PLCB1: variants seen among roughly 807,000 people sequenced by gnomAD.
The protein encoded by PLCB1 is phospholipase C beta 1.
Under a neutral mutation model 161.8 loss-of-function variants are expected in PLCB1, and 46 were observed. The observed-to-expected ratio is 0.28, with a 90% CI of 0.22 to 0.36. The LOEUF is 0.36. Among genes scored for constraint, PLCB1 ranks in the 10% least tolerant of loss-of-function variants. The pLI is 1.00. For missense variants in PLCB1, 1,016 were observed against 1,472.5 expected, an observed-to-expected ratio of 0.69 and a Z score of 5.07; for synonymous variants, 517 against 503.7, an observed-to-expected ratio of 1.03 and a Z score of -0.35.
At chr20:8,784,345 G>T (rs1296798959) in intron 27 of PLCB1, among the ~76,000 whole-genome samples, 3 of 151,922 alleles carry the variant, frequency 2.0e-5, no homozygotes, top group Non-Finnish European at 4.4e-5. Context: ...GGCAGATCAC[G>T]TGAGGTCAGG....
At chr20:8,230,958 T>C (rs565538498) in intron 2 of PLCB1, among the ~76,000 whole-genome samples, 185 of 152,234 alleles carry the variant, frequency 1.2e-3, no homozygotes, top group African/African-American at 4.4e-3. Flanking sequence ...GTAATTTAGT[T>C]CCTATGCACC....
intron 2 of PLCB1, among the ~76,000 whole-genome samples, chr20:8,151,153 T>C (rs1291325040): frequency 3.3e-5 from 5 of 152,140 alleles, no homozygotes; most frequent in African/African-American, 4.8e-5. Flanking sequence ...TAAGTTTTGA[T>C]ATATGGAGAA....
chr20:8,270,670 A>G (rs1053591715), intron 2 of PLCB1, among the ~76,000 whole-genome samples: 1 of 152,300 alleles, frequency 6.6e-6, no homozygotes, highest in East Asian at 1.9e-4. Flanking sequence ...AGTGATGAGA[A>G]TTCTTAAGAT....
chr20:8,684,242 TTA>T (rs1001709872), intron 9 of PLCB1, among the ~76,000 whole-genome samples: 22 of 148,276 alleles, frequency 1.5e-4, no homozygotes, highest in Non-Finnish European at 2.2e-4. Flanking sequence ...ATTTATTTAT[TTA>T]TTTATTTATT....
chr20:8,374,592 A>C (rs1285465485), intron 3 of PLCB1, among the ~76,000 whole-genome samples: 1 of 152,216 alleles, frequency 6.6e-6, no homozygotes, highest in Non-Finnish European at 1.5e-5. Context: ...TCAGGATTAC[A>C]GTATAACTAC....
chr20:8,584,176 G>A (rs766034969), intron 3 of PLCB1, among the ~76,000 whole-genome samples: 3 of 151,926 alleles, frequency 2.0e-5, no homozygotes, highest in South Asian at 2.1e-4. Flanking sequence ...AAATGAGGAC[G>A]GTCATAGAAG....
At chr20:8,800,314 T>C (rs1009370103) in intron 31 of PLCB1, among the ~76,000 whole-genome samples, 2 of 152,248 alleles carry the variant, frequency 1.3e-5, no homozygotes, top group Admixed American at 6.5e-5. Flanking sequence ...TTATACATTT[T>C]CTGTCAACAG....
chr20:8,176,282 G>A (rs1210866229), intron 2 of PLCB1, among the ~76,000 whole-genome samples: 9 of 152,146 alleles, frequency 5.9e-5, no homozygotes, highest in Admixed American at 2.0e-4. Context: ...AAGATGGCAT[G>A]TCCATACTGT....
intron 31 of PLCB1, among the ~76,000 whole-genome samples, chr20:8,861,787 T>C (rs1330895921): frequency 6.7e-6 from 1 of 149,214 alleles, no homozygotes. Flanking sequence ...CCCATCTTTA[T>C]AAAAATCTAG....
intron 3 of PLCB1, among the ~76,000 whole-genome samples, chr20:8,578,816 C>G (rs983406919): frequency 1.3e-5 from 2 of 152,176 alleles, no homozygotes; most frequent in Non-Finnish European, 2.9e-5. Context: ...AATTCAAACT[C>G]TACGTTAAGT....
intron 3 of PLCB1, among the ~76,000 whole-genome samples, chr20:8,544,353 G>A (rs972505990): frequency 1.3e-5 from 2 of 152,158 alleles, no homozygotes; most frequent in African/African-American, 4.8e-5. Context: ...TAACAGTGGA[G>A]AATTCAAAGT....
At chr20:8,861,602 C>T (rs572421695) in intron 31 of PLCB1, among the ~76,000 whole-genome samples, 51 of 152,044 alleles carry the variant, frequency 3.4e-4, no homozygotes, top group African/African-American at 1.0e-3. Flanking sequence ...TGGTGGCGCG[C>T]GCCTGTAGTC....
intron 6 of PLCB1, among the ~76,000 whole-genome samples, 173 bp downstream of exon 6, chr20:8,648,126 G>A (rs1025417772): frequency 1.3e-5 from 2 of 152,114 alleles, no homozygotes; most frequent in East Asian, 1.9e-4. Context: ...CCTCATAGAC[G>A]TCTCCCCGGG....
chr20:8,439,568 T>G (rs1980462784), intron 3 of PLCB1, among the ~76,000 whole-genome samples: 2 of 152,232 alleles, frequency 1.3e-5, no homozygotes. Context: ...AACAAGCATT[T>G]ATCGCTCTTT....
At chr20:8,534,929 T>C (rs1984982182) in intron 3 of PLCB1, among the ~76,000 whole-genome samples, 1 of 151,952 alleles carries the variant, frequency 6.6e-6, no homozygotes, top group Non-Finnish European at 1.5e-5. Context: ...ATGCATCATG[T>C]TGAAACAATT....
At chr20:8,605,600 T>A (rs1482137908) in intron 3 of PLCB1, among the ~76,000 whole-genome samples, 1 of 150,686 alleles carries the variant, frequency 6.6e-6, no homozygotes, top group African/African-American at 2.4e-5. Flanking sequence ...TATTTTATGT[T>A]TGGTGTTTTC....
intron 2 of PLCB1, among the ~76,000 whole-genome samples, chr20:8,266,247 C>T (rs1448483944): frequency 6.6e-6 from 1 of 152,136 alleles, no homozygotes; most frequent in Non-Finnish European, 1.5e-5. Flanking sequence ...CATCAGGGCT[C>T]ATTCACATGC....
chr20:8,756,464 A>G (rs1488387320), intron 23 of PLCB1, among the ~76,000 whole-genome samples: 1 of 152,124 alleles, frequency 6.6e-6, no homozygotes, highest in African/African-American at 2.4e-5. Flanking sequence ...AGCTTATAAC[A>G]TCAACTAGTT....
At chr20:8,806,335 T>C (rs1984536062) in intron 31 of PLCB1, among the ~76,000 whole-genome samples, 1 of 151,888 alleles carries the variant, frequency 6.6e-6, no homozygotes, top group East Asian at 1.9e-4. Flanking sequence ...GCCTGCACAG[T>C]TGGGTTAAGA....
Sources: gnomAD v4.1 joint callset for allele counts (sites outside exome capture counted in the v4.1 genomes callset) on GRCh38, gnomAD v4.1.1 for gene constraint, MANE v1.5 for transcripts, NCBI Gene and HGNC (gene_info 2026-07-23, HGNC 2026-07-21) for gene names.